The following FUT8 variants were observed in gnomAD, a reference collection of about 807,000 sequenced individuals.
FUT8 encodes the protein alpha-(1,6)-fucosyltransferase.
In FUT8, 29 loss-of-function variants were observed where a neutral mutation model predicts 71.3. That is an observed-to-expected ratio of 0.41 (90% confidence interval 0.30 to 0.55). The LOEUF (loss-of-function observed/expected upper bound fraction) is 0.55. Among genes scored for constraint, FUT8 ranks in the 20% least tolerant of loss-of-function variants. The pLI is 0.34. For synonymous variants in FUT8, 254 were observed against 239.3 expected (o/e 1.06, Z -0.57); for missense variants, 544 against 702.1 (o/e 0.77, Z 2.55).
At chr14:65,583,285 A>G (rs1172038517) in intron 3 of FUT8, among the ~76,000 whole-genome samples, 1 of 152,062 alleles carries the variant, frequency 6.6e-6, no homozygotes, top group African/African-American at 2.4e-5. Flanking sequence ...GGCTCAAGTG[A>G]TCCTCTTGGT....
At chr14:65,680,193 G>A (rs1892970274) in intron 7 of FUT8, among the ~76,000 whole-genome samples, 1 of 152,230 alleles carries the variant, frequency 6.6e-6, no homozygotes. Flanking sequence ...TGAAAGGCCA[G>A]ACAGAGAGCT....
At chr14:65,401,168 A>G in the FUT8 span, among the ~76,000 whole-genome samples, 2 of 152,348 alleles carry the variant, frequency 1.3e-5, no homozygotes, top group East Asian at 1.9e-4. Context: ...AAAAACCAAT[A>G]TGAGGACTGA....
At chr14:65,596,775 A>G (rs1328958861) in intron 3 of FUT8, among the ~76,000 whole-genome samples, 1 of 152,110 alleles carries the variant, frequency 6.6e-6, no homozygotes, top group Non-Finnish European at 1.5e-5. Context: ...GTTTTCTCTC[A>G]TAGGACTTGC....
the FUT8 span, among the ~76,000 whole-genome samples, chr14:65,394,726 C>T: frequency 1.3e-5 from 2 of 149,422 alleles, no homozygotes; most frequent in Non-Finnish European, 3.0e-5. Context: ...CATGCAAGTC[C>T]AAAATCCAGC....
chr14:65,629,480 T>A lies in FUT8; in HGVS notation c.483-12T>A, dbSNP rs1403403765. The A allele has an allele frequency of 1.3e-6, 2 of 1,574,322 alleles. No homozygotes were observed. Among genetic ancestry groups the A allele is most frequent in the East Asian group, 4.5e-5 (2 of 44,686 alleles). On this transcript the variant is annotated splice_polypyrimidine_tract_variant and intron_variant, in intron 5 of 10. Transcript: ENST00000673929. ...AGACAAGTTCGATCTCCATTGTTGT[T>A]TGTTTTAACAGGTCTATAATGACGG...
At chr14:65,426,908 G>A (rs2065397543) in intron 1 of FUT8, among the ~76,000 whole-genome samples, 1 of 152,020 alleles carries the variant, frequency 6.6e-6, no homozygotes, top group Non-Finnish European at 1.5e-5. Flanking sequence ...GCCCAGGCTG[G>A]AGTGCAGTGG....
At chr14:65,403,591 T>C in the FUT8 span, among the ~76,000 whole-genome samples, 2 of 152,236 alleles carry the variant, frequency 1.3e-5, no homozygotes, top group African/African-American at 2.4e-5. Context: ...TTAGAGTTAG[T>C]GTTTTCCCAT....
At chr14:65,634,325 C>T (rs1175558554) in intron 6 of FUT8, among the ~76,000 whole-genome samples, 7 of 152,108 alleles carry the variant, frequency 4.6e-5, no homozygotes, top group East Asian at 3.9e-4. Flanking sequence ...GGATTAAGGG[C>T]GGTGCAAGAT....
At chr14:65,411,904 C>G (rs569537470), upstream of FUT8, 3 of 381,044 alleles carry the variant, frequency 7.9e-6, no homozygotes, top group Admixed American at 3.6e-5. Flanking sequence ...CCGGTCCTCC[C>G]GCTCAGCTGG....
At chr14:65,734,094 A>G (rs1428704793) in intron 10 of FUT8, among the ~76,000 whole-genome samples, 1 of 152,144 alleles carries the variant, frequency 6.6e-6, no homozygotes, top group African/African-American at 2.4e-5. Flanking sequence ...CAGCTGTTAA[A>G]TGCACTCAAA....
intron 2 of FUT8, among the ~76,000 whole-genome samples, chr14:65,474,461 A>G (rs1594673248): frequency 1.3e-5 from 2 of 149,088 alleles, no homozygotes; most frequent in East Asian, 3.9e-4. Flanking sequence ...AAAAAAAGCC[A>G]GGCGTGCTGG....
Position 65,712,480 on chromosome 14 carries a change from A to G in FUT8, c.836-9295A>G, listed in dbSNP as rs748153930. Among the ~76,000 whole-genome samples, 9 of 152,290 alleles carry G rather than the reference A, an allele frequency of 5.9e-5. No individual in the cohort carries two copies. In the East Asian group the frequency reaches 7.7e-4, roughly 13 times the overall value. On this transcript the variant is annotated intron_variant, in intron 7 of 10. Transcript: ENST00000673929. ...CGTTTTTGAGACGAAGTTTCGCTCTATTGCCCAGTCTGGAGTGCAAATGGC... is the reference window on the plus strand; with the variant it reads ...CGTTTTTGAGACGAAGTTTCGCTCTGTTGCCCAGTCTGGAGTGCAAATGGC...
upstream of FUT8, chr14:65,411,884 G>A (rs566772515): frequency 2.4e-5 from 9 of 371,260 alleles, no homozygotes; most frequent in Admixed American, 1.1e-4. Flanking sequence ...GTGTGCTGGG[G>A]CGGCGCGCTC....
intron 2 of FUT8, among the ~76,000 whole-genome samples, chr14:65,461,523 G>A (rs1009695087): frequency 6.6e-6 from 1 of 152,202 alleles, no homozygotes; most frequent in Non-Finnish European, 1.5e-5. Context: ...ACTGATGTTA[G>A]CTTGCATGTA....
rs1892380351 is a variant in FUT8, at chr14:65,669,576, C to G, written c.835+96C>G. On this transcript the variant is annotated intron_variant, in intron 7 of 10. Coordinates refer to ENST00000673929, the MANE Select transcript of FUT8 (RefSeq NM_001371533.1). The surrounding 1 kb of genome is among the most constrained non-coding windows in gnomAD (Gnocchi z 4.5). Reference sequence around the variant, plus strand: ...GTAGACCTTCATGGAACATACTTATCTTTTCCTCTGGATCCATGAATACTA... The same window carrying G: ...GTAGACCTTCATGGAACATACTTATGTTTTCCTCTGGATCCATGAATACTA... The G allele has an allele frequency of 9.9e-6, 8 of 804,200 alleles. No homozygotes were observed. The highest frequency in any genetic ancestry group is 1.7e-5 in the African/African-American group (1 of 58,762). 49.8% of individuals were successfully genotyped at this position (804,200 alleles called of 1,614,324 possible).
At chr14:65,705,199 A>G (rs1184886227) in intron 7 of FUT8, among the ~76,000 whole-genome samples, 1 of 152,104 alleles carries the variant, frequency 6.6e-6, no homozygotes. Context: ...ATGACAGGCC[A>G]TAGTTGCTCA....
intron 1 of FUT8, among the ~76,000 whole-genome samples, chr14:65,425,468 G>GT (rs557101189): frequency 0.031 from 3,723 of 119,442 alleles, 108 homozygotes; most frequent in East Asian, 0.15. Flanking sequence ...ATGCCTGGCC[G>GT]TTTTTTTTTT....
intron 7 of FUT8, among the ~76,000 whole-genome samples, chr14:65,685,322 CAGTG>C (rs1444504974): frequency 1.2e-4 from 19 of 152,244 alleles, no homozygotes; most frequent in African/African-American, 4.3e-4. Flanking sequence ...CCGTATAAAA[CAGTG>C]AGAATAATGC....
chr14:65,481,607 C>T (rs1021181709), intron 2 of FUT8, among the ~76,000 whole-genome samples: 2 of 152,116 alleles, frequency 1.3e-5, no homozygotes, highest in African/African-American at 4.8e-5. Flanking sequence ...ATCTTTTCCC[C>T]CACTACTACC....
Sources: gnomAD v4.1 joint callset for allele counts (sites outside exome capture counted in the v4.1 genomes callset) on GRCh38, gnomAD v4.1.1 for gene constraint, Gnocchi (gnomAD v3.1) non-coding constraint, MANE v1.5 for transcripts, NCBI Gene and HGNC (gene_info 2026-07-23, HGNC 2026-07-21) for gene names.